STK32B: variants seen among roughly 807,000 people sequenced by gnomAD.
STK32B encodes the protein serine/threonine kinase 32B, also known as serine/threonine-protein kinase 32B.
In STK32B, 43 loss-of-function variants were observed where a neutral mutation model predicts 52.6. The observed-to-expected ratio is 0.82, with a 90% confidence interval of 0.64 to 1.05. The LOEUF (loss-of-function observed/expected upper bound fraction) is 1.05, where lower values mean the gene tolerates loss of function less well. Among genes scored for constraint, STK32B ranks in the 50% least tolerant of loss-of-function variants. The probability of loss-of-function intolerance (pLI) is 0.00; values close to 1 mark genes in which losing one functional copy is unlikely to be tolerated. For missense variants in STK32B, 621 were observed against 534.6 expected (o/e 1.16, Z -1.59); for synonymous variants, 238 against 204.3 (o/e 1.17, Z -1.41).
At chr4:5,270,756 A>G (rs967293499) in intron 3 of STK32B, among the ~76,000 whole-genome samples, 9 of 152,204 alleles carry the variant, frequency 5.9e-5, no homozygotes, top group African/African-American at 2.2e-4. Context: ...AGGATGAATA[A>G]AACTTTATTT....
chr4:5,238,921 G>A (rs1724814850), intron 3 of STK32B, among the ~76,000 whole-genome samples: 2 of 152,208 alleles, frequency 1.3e-5, no homozygotes, highest in Admixed American at 6.5e-5. Flanking sequence ...TTCTGTAACA[G>A]CAATTAAAAG....
intron 5 of STK32B, among the ~76,000 whole-genome samples, chr4:5,407,884 G>A (rs1193346362): frequency 6.6e-6 from 1 of 152,110 alleles, no homozygotes; most frequent in Non-Finnish European, 1.5e-5. Flanking sequence ...AGAGGCCTTT[G>A]AGAGGTGATT....
At chr4:5,281,862 CATTT>C (rs1463543993) in intron 3 of STK32B, among the ~76,000 whole-genome samples, 25 of 151,960 alleles carry the variant, frequency 1.6e-4, no homozygotes, top group African/African-American at 4.8e-5. Flanking sequence ...ATGGCTATAC[CATTT>C]ATTTAATTAC....
rs760887979 is a variant in STK32B at position 5,499,133 on chromosome 4, C to T, written c.*50C>T. On this transcript the variant is annotated 3_prime_UTR_variant, in exon 12 of 12. Coordinates refer to ENST00000282908, the MANE Select transcript of STK32B (RefSeq NM_018401.3). ...GGACTGCACTCGTCTCTGCCCTGCC[C>T]ACCCAGAGCCCCTCTTTGTGCCCTG... 8 of 1,538,050 alleles carry T rather than the reference C, an allele frequency of 5.2e-6. No individual in the cohort carries two copies. Among genetic ancestry groups the T allele is most frequent in the African/African-American group, 1.4e-5 (1 of 72,656 alleles).
chr4:5,092,310 T>C (rs1713124511), intron 1 of STK32B, among the ~76,000 whole-genome samples: 2 of 152,184 alleles, frequency 1.3e-5, no homozygotes, highest in Non-Finnish European at 1.5e-5. Context: ...GGCGGGCAGA[T>C]CACCTGAGGT....
chr4:5,211,815 C>T (rs1007816580), intron 3 of STK32B, among the ~76,000 whole-genome samples: 17 of 152,320 alleles, frequency 1.1e-4, no homozygotes, highest in Non-Finnish European at 2.2e-4. Flanking sequence ...GCATTTTACA[C>T]TGTGAATCAC....
chr4:5,346,458 A>C (rs1230431853), intron 4 of STK32B, among the ~76,000 whole-genome samples: 1 of 152,152 alleles, frequency 6.6e-6, no homozygotes, highest in Non-Finnish European at 1.5e-5. Flanking sequence ...ACAAACCCAA[A>C]CCTCTGACTT....
At chr4:5,448,479 A>C (rs1715676572) in intron 7 of STK32B, among the ~76,000 whole-genome samples, 1 of 152,256 alleles carries the variant, frequency 6.6e-6, no homozygotes, top group Non-Finnish European at 1.5e-5. Context: ...GACCTTGGCG[A>C]GCATTTGCCC....
At chr4:5,349,775 C>T (rs1231079857) in intron 4 of STK32B, among the ~76,000 whole-genome samples, 1 of 151,760 alleles carries the variant, frequency 6.6e-6, no homozygotes, top group African/African-American at 2.4e-5. Context: ...AGAAATCTAC[C>T]AAAGAAATAG....
intron 11 of STK32B, among the ~76,000 whole-genome samples, chr4:5,490,770 G>C (rs1410189127): frequency 6.6e-6 from 1 of 151,922 alleles, no homozygotes; most frequent in Non-Finnish European, 1.5e-5. Context: ...TCCCCTTCCT[G>C]TGTCCATGTG....
chr4:5,052,636 C>G (rs1355440012), intron 1 of STK32B, among the ~76,000 whole-genome samples: 1 of 152,128 alleles, frequency 6.6e-6, no homozygotes, highest in African/African-American at 2.4e-5. Context: ...AACATTAGTC[C>G]CTTCATCAAT....
chr4:5,339,606 A>G (rs984213796), intron 4 of STK32B, among the ~76,000 whole-genome samples: 8 of 152,196 alleles, frequency 5.3e-5, no homozygotes, highest in Admixed American at 2.0e-4. Context: ...ATACCCTCAG[A>G]TGAGTGTTGC....
chr4:5,263,119 C>A (rs1317304987), intron 3 of STK32B, among the ~76,000 whole-genome samples: 1 of 151,966 alleles, frequency 6.6e-6, no homozygotes, highest in Non-Finnish European at 1.5e-5. Context: ...AAAGACAGCA[C>A]CCAACACCGG....
chr4:5,206,057 T>C (rs1390729468), intron 3 of STK32B, among the ~76,000 whole-genome samples: 1 of 152,190 alleles, frequency 6.6e-6, no homozygotes, highest in African/African-American at 2.4e-5. Flanking sequence ...AAAATCTTTA[T>C]AGTACTACAC....
At chr4:5,387,459 A>G (rs1216779916) in intron 4 of STK32B, among the ~76,000 whole-genome samples, 1 of 152,128 alleles carries the variant, frequency 6.6e-6, no homozygotes. Context: ...GAAAACTCAG[A>G]CTGCAACCTG....
At chr4:5,087,100 A>G (rs993857138) in intron 1 of STK32B, among the ~76,000 whole-genome samples, 2 of 152,194 alleles carry the variant, frequency 1.3e-5, no homozygotes, top group Non-Finnish European at 2.9e-5. Flanking sequence ...AAAATTGTAT[A>G]AAGTTATTAA....
chr4:5,454,152 C>T (rs777409313), intron 7 of STK32B, among the ~76,000 whole-genome samples: 1 of 152,182 alleles, frequency 6.6e-6, no homozygotes, highest in Non-Finnish European at 1.5e-5. Context: ...TCATGCCGGG[C>T]CCCATCTACA....
At chr4:5,359,070 G>A (rs1481734016) in intron 4 of STK32B, among the ~76,000 whole-genome samples, 1 of 152,222 alleles carries the variant, frequency 6.6e-6, no homozygotes, top group Non-Finnish European at 1.5e-5. Context: ...AAGTCTTCTT[G>A]TGCAGGACCT....
chr4:5,371,604 G>A (rs1162547212), intron 4 of STK32B, among the ~76,000 whole-genome samples: 1 of 152,144 alleles, frequency 6.6e-6, no homozygotes, highest in African/African-American at 2.4e-5. Context: ...GGAGGTGGGA[G>A]GCTGGAATCC....
Sources: gnomAD v4.1 joint callset for allele counts (sites outside exome capture counted in the v4.1 genomes callset) on GRCh38, gnomAD v4.1.1 for gene constraint, MANE v1.5 for transcripts, NCBI Gene and HGNC (gene_info 2026-07-23, HGNC 2026-07-21) for gene names.